The following NUCB2 variants were observed in gnomAD, a reference collection of about 807,000 sequenced individuals.
The protein encoded by NUCB2 is nucleobindin 2.
NUCB2 carries 48 observed loss-of-function variants against 57.9 expected under a neutral mutation model. The ratio of observed to expected loss-of-function variants is 0.83; its 90% CI spans 0.66 to 1.05. The LOEUF (loss-of-function observed/expected upper bound fraction) is 1.05. Among genes scored for constraint, NUCB2 ranks in the 50% least tolerant of loss-of-function variants. The pLI is 0.00. For missense variants in NUCB2, 442 were observed against 476.2 expected (o/e 0.93, Z 0.67); for synonymous variants, 139 against 152.1 (o/e 0.91, Z 0.64).
chr11:17,299,223 A>C (rs1565401291), intron 4 of NUCB2, among the ~76,000 whole-genome samples: 1 of 152,142 alleles, frequency 6.6e-6, no homozygotes, highest in African/African-American at 2.4e-5. Flanking sequence ...AATAGTTTTT[A>C]GATTTCAGGG....
chr11:17,323,195 G>A (rs964983092), intron 11 of NUCB2, among the ~76,000 whole-genome samples: 6 of 152,026 alleles, frequency 3.9e-5, no homozygotes, highest in South Asian at 2.1e-4. Flanking sequence ...TTTCCCATTC[G>A]GTATGATATT....
chr11:17,289,977 T>G (rs1471250439), intron 2 of NUCB2, among the ~76,000 whole-genome samples: 1 of 152,178 alleles, frequency 6.6e-6, no homozygotes, highest in African/African-American at 2.4e-5. Context: ...GTTCCTTGAG[T>G]TTTTTTATTT....
chr11:17,278,454 G>C (rs997301329), intron 1 of NUCB2: 3 of 152,184 alleles, frequency 2.0e-5, no homozygotes, highest in Non-Finnish European at 4.4e-5. Flanking sequence ...TGAGATTACA[G>C]GTGTGAGCCA....
intron 4 of NUCB2, among the ~76,000 whole-genome samples, chr11:17,298,886 A>T (rs1946265623): frequency 6.6e-6 from 1 of 152,056 alleles, no homozygotes; most frequent in African/African-American, 2.4e-5. Flanking sequence ...TTTAGTAGAG[A>T]TGGGGTTTTG....
chr11:17,319,207 T>C (rs939722449), intron 11 of NUCB2, among the ~76,000 whole-genome samples: 2 of 152,212 alleles, frequency 1.3e-5, no homozygotes, highest in African/African-American at 2.4e-5. Flanking sequence ...CTTCTACTTA[T>C]ATCAGTGTAG....
chr11:17,296,291 C>T, intron 4 of NUCB2, 80 bp downstream of exon 4: 2 of 763,988 alleles, frequency 2.6e-6, no homozygotes, highest in South Asian at 4.6e-5. Flanking sequence ...CCATATAACC[C>T]AGGTTGGCCT....
At chr11:17,308,507 C>T (rs1948024749) in intron 5 of NUCB2, among the ~76,000 whole-genome samples, 1 of 152,148 alleles carries the variant, frequency 6.6e-6, no homozygotes, top group South Asian at 2.1e-4. Flanking sequence ...GCCTTTCACC[C>T]TTCCATATTT....
chr11:17,344,466 C>T (rs963010407), intron 2 of NUCB2, among the ~76,000 whole-genome samples: 2 of 152,140 alleles, frequency 1.3e-5, no homozygotes, highest in South Asian at 2.1e-4. Context: ...CCCATTTTCC[C>T]ACTTTTGTAT....
chr11:17,341,523 G>A (rs1375237520), intron 2 of NUCB2, among the ~76,000 whole-genome samples: 1 of 152,174 alleles, frequency 6.6e-6, no homozygotes, highest in African/African-American at 2.4e-5. Flanking sequence ...TTTTTAGCAT[G>A]AAGTGTTGTT....
At chr11:17,322,576 A>G (rs949633126) in intron 11 of NUCB2, among the ~76,000 whole-genome samples, 2 of 151,972 alleles carry the variant, frequency 1.3e-5, no homozygotes, top group African/African-American at 4.8e-5. Context: ...GGTCTTTTGT[A>G]GTTTCACATA....
chr11:17,309,746 A>G (rs536740216), intron 6 of NUCB2, 71 bp downstream of exon 6: 20 of 899,038 alleles, frequency 2.2e-5, no homozygotes, highest in Admixed American at 1.3e-4. Flanking sequence ...AGTAAACCCA[A>G]TGAAATGGAA....
chr11:17,308,951 G>C (rs1294140403), intron 5 of NUCB2, among the ~76,000 whole-genome samples: 1 of 152,090 alleles, frequency 6.6e-6, no homozygotes, highest in Admixed American at 6.6e-5. Context: ...ATATTTAGTA[G>C]TTTTAAGATA....
intron 2 of NUCB2, among the ~76,000 whole-genome samples, chr11:17,289,456 C>A (rs1030441776): frequency 6.6e-6 from 1 of 152,050 alleles, no homozygotes; most frequent in Non-Finnish European, 1.5e-5. Flanking sequence ...TGAATCACAC[C>A]AACTTGTATT....
chr11:17,325,590 A>C (rs1312360614), intron 11 of NUCB2, among the ~76,000 whole-genome samples: 3 of 152,094 alleles, frequency 2.0e-5, no homozygotes, highest in Non-Finnish European at 4.4e-5. Context: ...TGTTTCTTTT[A>C]GGCAACAGAT....
intron 11 of NUCB2, among the ~76,000 whole-genome samples, chr11:17,324,618 G>C (rs1485745226): frequency 6.6e-6 from 1 of 151,928 alleles, no homozygotes; most frequent in Admixed American, 6.6e-5. Context: ...ATTTTTAGTA[G>C]AGATGGGGTT....
rs887953610 is a variant in NUCB2, at chr11:17,289,648, A to G, written c.1-5676A>G. The stretch of plus-strand genomic sequence containing the variant: ...ATACTTCTTAAAAATGCTTAATATA[A>G]CATCTTGGGGGAAATCATTTTATAA... On this transcript the variant is annotated intron_variant, in intron 2 of 13. Coordinates refer to ENST00000529010, the MANE Select transcript of NUCB2 (RefSeq NM_005013.4). 3.9e-5 allele frequency among the ~76,000 whole-genome samples: 6 copies of G among 152,324 alleles called. No homozygotes were observed. The South Asian group carries it at 1.2e-3, about 32-fold the overall frequency.
At chr11:17,303,871 C>T (rs899610166) in intron 5 of NUCB2, among the ~76,000 whole-genome samples, 7 of 136,170 alleles carry the variant, frequency 5.1e-5, no homozygotes, top group East Asian at 2.1e-4. Context: ...GGCGACAGAG[C>T]GAGACTCCAT....
At chr11:17,286,257 G>A (rs1384762850) in intron 2 of NUCB2, among the ~76,000 whole-genome samples, 1 of 152,098 alleles carries the variant, frequency 6.6e-6, no homozygotes, top group African/African-American at 2.4e-5. Context: ...GGCTGGTCTT[G>A]AACTCCTGGG....
chr11:17,326,266 CTGGGAT>C (rs1950653146), intron 11 of NUCB2, among the ~76,000 whole-genome samples: 1 of 145,090 alleles, frequency 6.9e-6, no homozygotes, highest in Non-Finnish European at 1.5e-5. Context: ...TCCCAAAGTG[CTGGGAT>C]TACAGGCGTG....
Sources: gnomAD v4.1 joint callset for allele counts (sites outside exome capture counted in the v4.1 genomes callset) on GRCh38, gnomAD v4.1.1 for gene constraint, MANE v1.5 for transcripts, NCBI Gene and HGNC (gene_info 2026-07-23, HGNC 2026-07-21) for gene names.